PTP4A1: variants seen among roughly 807,000 people sequenced by gnomAD.
PTP4A1 encodes protein tyrosine phosphatase 4A1, also known as protein tyrosine phosphatase type IVA 1.
A neutral mutation model predicts 20.5 loss-of-function variants in PTP4A1; 9 were observed. The ratio of observed to expected loss-of-function variants is 0.44; its 90% CI spans 0.26 to 0.77. The LOEUF is 0.77. Ranked by LOEUF, PTP4A1 falls within the 30% of genes least tolerant of loss-of-function variation. The pLI, the probability that PTP4A1 is intolerant of heterozygous loss-of-function variation, is 0.19. For synonymous variants in PTP4A1, 78 were observed against 67.4 expected (o/e 1.16, Z -0.77); for missense variants, 137 against 218.8 (o/e 0.63, Z 2.36).
intron 2 of PTP4A1, 132 bp from the exon 3 acceptor site, chr6:63,578,305 G>A (rs1744163): frequency 0.093 from 105,542 of 1,132,414 alleles, 5,919 homozygotes; most frequent in African/African-American, 0.22. Flanking sequence ...AAACATAAAT[G>A]GATTCTAGCA....
intron 3 of PTP4A1, among the ~76,000 whole-genome samples, chr6:63,564,981 C>G (rs1478437845): frequency 6.6e-6 from 1 of 152,134 alleles, no homozygotes; most frequent in African/African-American, 2.4e-5. Flanking sequence ...GAAAAGTATT[C>G]TCTTACTAAT....
At chr6:63,576,238 T>G (rs1000786165) in intron 1 of PTP4A1, among the ~76,000 whole-genome samples, 198 bp from the exon 2 acceptor site, 1 of 152,038 alleles carries the variant, frequency 6.6e-6, no homozygotes, top group Non-Finnish European at 1.5e-5. Context: ...GTTTAATCTA[T>G]CTGACTGCTT....
At chr6:63,528,371 G>A (rs1423809944) in intron 2 of PTP4A1, among the ~76,000 whole-genome samples, 3 of 151,988 alleles carry the variant, frequency 2.0e-5, no homozygotes, top group Admixed American at 2.0e-4. Context: ...TGAGGTGGGA[G>A]AATCGCTTGA....
intron 1 of PTP4A1, among the ~76,000 whole-genome samples, 152 bp downstream of exon 1, chr6:63,572,871 G>T (rs1777549363): frequency 2.6e-5 from 4 of 152,144 alleles, no homozygotes; most frequent in Admixed American, 1.3e-4. Flanking sequence ...GCGGGTTATG[G>T]CCCTGTGGCC....
chr6:63,545,684 T>C (rs1386343882), intron 2 of PTP4A1, among the ~76,000 whole-genome samples: 1 of 152,084 alleles, frequency 6.6e-6, no homozygotes, highest in Non-Finnish European at 1.5e-5. Flanking sequence ...CTGGAACAAG[T>C]CATTTCTCAA....
In PTP4A1 at chr6:63,529,706, G is replaced by T. The variant is rs1001276254; in HGVS notation, c.-640+1622G>T. On this transcript the variant is annotated intron_variant, in intron 2 of 3. Coordinates refer to the PTP4A1 transcript ENST00000639568. ...AAAAGTTTTGTGAACCAAGGGTGGA[G>T]GAAAAGGTTATGCATTTTATCACAC... Among the ~76,000 whole-genome samples the T allele has an allele frequency of 4.6e-5, 7 of 152,270 alleles. No individual in the cohort carries two copies. The Middle Eastern group carries it at 0.01, about 222-fold the overall frequency.
At chr6:63,521,193 G>A (rs1367263393), upstream of PTP4A1, among the ~76,000 whole-genome samples, 6 of 151,714 alleles carry the variant, frequency 4.0e-5, no homozygotes, top group African/African-American at 1.5e-4. Context: ...ACAAACCTGA[G>A]CATTCAGCAC....
chr6:63,535,494 C>A (rs1775678925), intron 2 of PTP4A1, among the ~76,000 whole-genome samples: 1 of 152,046 alleles, frequency 6.6e-6, no homozygotes, highest in African/African-American at 2.4e-5. Flanking sequence ...CAATAATATG[C>A]ATTTCCCTCC....
At chr6:63,529,865 T>C (rs1775379205) in intron 2 of PTP4A1, among the ~76,000 whole-genome samples, 1 of 152,150 alleles carries the variant, frequency 6.6e-6, no homozygotes, top group Admixed American at 6.6e-5. Flanking sequence ...AAATTATCAA[T>C]TAGGTGTAAA....
intron 2 of PTP4A1, among the ~76,000 whole-genome samples, chr6:63,544,479 G>T (rs777154788): frequency 6.6e-6 from 1 of 150,898 alleles, no homozygotes; most frequent in Non-Finnish European, 1.5e-5. Flanking sequence ...CAGGCAATTA[G>T]CATCAATACA....
chr6:63,570,916 CAT>C (rs1274959471), upstream of PTP4A1: 1 of 152,118 alleles, frequency 6.6e-6, no homozygotes, highest in African/African-American at 2.4e-5. Context: ...TTTTTTTCGA[CAT>C]GAGTTCCCCA....
At chr6:63,542,025 GTGTGTGT>G (rs1776000896) in intron 2 of PTP4A1, among the ~76,000 whole-genome samples, 1 of 29,326 alleles carries the variant, frequency 3.4e-5, no homozygotes, top group African/African-American at 7.4e-5. Context: ...AAACTGTGGT[GTGTGTGT>G]GTGTGTGTGT....
At chr6:63,554,764 G>C (rs1421426229) in intron 3 of PTP4A1, among the ~76,000 whole-genome samples, 1 of 152,146 alleles carries the variant, frequency 6.6e-6, no homozygotes, top group African/African-American at 2.4e-5. Flanking sequence ...TCTAGCCTGG[G>C]TGACAGAGTG....
upstream of PTP4A1, among the ~76,000 whole-genome samples, chr6:63,518,879 G>C (rs2149469725): frequency 6.6e-6 from 1 of 152,282 alleles, no homozygotes; most frequent in South Asian, 2.1e-4. Context: ...TGTTTTGGAA[G>C]TCAGTATCTT....
chr6:63,535,294 G>A (rs532096251), intron 2 of PTP4A1, among the ~76,000 whole-genome samples: 5 of 152,000 alleles, frequency 3.3e-5, no homozygotes, highest in South Asian at 4.2e-4. Context: ...GTGAAACCCC[G>A]TTTCTACTAA....
At chr6:63,555,767 C>G (rs995712829) in intron 3 of PTP4A1, among the ~76,000 whole-genome samples, 2 of 150,734 alleles carry the variant, frequency 1.3e-5, no homozygotes, top group African/African-American at 4.9e-5. Flanking sequence ...GATCCCGGCT[C>G]ACTGCAACTT....
intron 2 of PTP4A1, chr6:63,548,699 A>C: frequency 1.7e-6 from 1 of 589,938 alleles, no homozygotes; most frequent in South Asian, 2.1e-5. Context: ...AAAACTCAAC[A>C]GTGTACATTT....
upstream of PTP4A1, among the ~76,000 whole-genome samples, chr6:63,519,826 C>T (rs1290351295): frequency 6.6e-6 from 1 of 152,196 alleles, no homozygotes; most frequent in Non-Finnish European, 1.5e-5. Context: ...AGAATTTTAG[C>T]TCCTGAAATT....
At chr6:63,540,408 G>C (rs1045898625) in intron 2 of PTP4A1, among the ~76,000 whole-genome samples, 1 of 152,036 alleles carries the variant, frequency 6.6e-6, no homozygotes, top group African/African-American at 2.4e-5. Flanking sequence ...ATTGCTTGAG[G>C]TCAGGAGTTT....
Sources: allele counts gnomAD v4.1 joint callset (sites outside exome capture counted in the v4.1 genomes callset), GRCh38; gene constraint gnomAD v4.1.1; transcripts MANE v1.5; gene names NCBI Gene and HGNC (gene_info 2026-07-23, HGNC 2026-07-21).